Variants in TANGO2 observed in about 807,000 individuals in gnomAD.
TANGO2 encodes the protein transport and Golgi organization protein 2 homolog.
A neutral mutation model predicts 39.1 loss-of-function variants in TANGO2; 26 were observed. The observed-to-expected ratio is 0.67, with a 90% CI of 0.49 to 0.92. The LOEUF (loss-of-function observed/expected upper bound fraction) is 0.92, where lower values mean the gene tolerates loss of function less well. Among genes scored for constraint, TANGO2 ranks in the 40% least tolerant of loss-of-function variants. The probability of loss-of-function intolerance (pLI) is 0.00; values close to 1 mark genes in which losing one functional copy is unlikely to be tolerated. For synonymous variants in TANGO2, 131 were observed against 144.5 expected, an observed-to-expected ratio of 0.91 and a Z score of 0.67; for missense variants, 326 against 360.1, an observed-to-expected ratio of 0.91 and a Z score of 0.77.
chr22:20,026,684 G>A (rs547100958), intron 1 of TANGO2, among the ~76,000 whole-genome samples: 1 of 152,366 alleles, frequency 6.6e-6, no homozygotes, highest in South Asian at 2.1e-4. Context: ...CAAAGGCCTA[G>A]CAGTCAGTAC....
Position 20,061,476 on chromosome 22 carries a change from G to T in TANGO2, c.452-54G>T, listed in dbSNP as rs936323390. 2.1e-5 allele frequency: 32 copies of T among 1,533,646 alleles called. No individual in the cohort carries two copies. In the African/African-American group the frequency reaches 3.4e-4, roughly 16 times the overall value. ...TTAGGTGGGTGGCAGGTGGCAATTTGCCCTGACATGGCACAGCAGGGCCTC... is the reference window on the plus strand; with the variant it reads ...TTAGGTGGGTGGCAGGTGGCAATTTTCCCTGACATGGCACAGCAGGGCCTC... On this transcript the variant is annotated intron_variant, in intron 6 of 8. Coordinates refer to ENST00000327374, the MANE Select transcript of TANGO2 (RefSeq NM_152906.7).
At chr22:20,055,830 C>T (rs1602291670) in intron 5 of TANGO2, 113 bp from the exon 6 acceptor site, 8 of 932,682 alleles carry the variant, frequency 8.6e-6, no homozygotes, top group South Asian at 2.8e-5. Context: ...CTGGCCGCAG[C>T]GGGCTACTGC....
intron 5 of TANGO2, chr22:20,053,831 C>T (rs956790013): frequency 6.7e-5 from 32 of 477,144 alleles, no homozygotes; most frequent in Non-Finnish European, 1.1e-4. Context: ...TGGCTCTGGC[C>T]GGGTGTCCTC....
upstream of TANGO2, among the ~76,000 whole-genome samples, chr22:20,018,047 A>T (rs1399592968): frequency 6.6e-6 from 1 of 152,168 alleles, no homozygotes; most frequent in African/African-American, 2.4e-5. Flanking sequence ...ATCCACCCAT[A>T]TTGGGAGTCC....
chr22:20,020,901 C>G (rs2039533564), upstream of TANGO2, among the ~76,000 whole-genome samples: 1 of 152,140 alleles, frequency 6.6e-6, no homozygotes, highest in African/African-American at 2.4e-5. Flanking sequence ...AGGAAGCGCT[C>G]AGACGCCCGC....
At chr22:20,027,213 G>A (rs1255987002) in intron 1 of TANGO2, among the ~76,000 whole-genome samples, 1 of 152,186 alleles carries the variant, frequency 6.6e-6, no homozygotes, top group Non-Finnish European at 1.5e-5. Flanking sequence ...CACCGGGGGG[G>A]ATGGTGTTAA....
At chr22:20,049,129 A>G (rs954163225) in intron 3 of TANGO2, among the ~76,000 whole-genome samples, 23 of 152,236 alleles carry the variant, frequency 1.5e-4, no homozygotes, top group South Asian at 1.5e-3. Flanking sequence ...GGTTTTGTAC[A>G]TGGTGTGAGG....
intron 1 of TANGO2, 148 bp from the exon 2 acceptor site, chr22:20,036,612 C>T (rs909912349): frequency 1.4e-6 from 1 of 693,350 alleles, no homozygotes; most frequent in Non-Finnish European, 2.5e-6. Flanking sequence ...GTGGCACCGG[C>T]CAAGAGTGTG....
upstream of TANGO2, among the ~76,000 whole-genome samples, chr22:20,020,506 A>G (rs1302595607): frequency 7.1e-6 from 1 of 140,530 alleles, no homozygotes; most frequent in Admixed American, 7.0e-5. Flanking sequence ...CAAAGGCTAC[A>G]CTGGGGGGTG....
chr22:20,053,171 A>C (rs561027370), intron 4 of TANGO2, among the ~76,000 whole-genome samples: 3 of 151,880 alleles, frequency 2.0e-5, no homozygotes, highest in East Asian at 1.9e-4. Context: ...CCCCACTGAA[A>C]GGTGTTGTTT....
In TANGO2 at chr22:20,036,792, C is replaced by T; in HGVS notation, c.-7C>T. ...GACCTGTGTCAGCAGAGCCGCCCTG[C>T]ACCACCATGTGCATCATCTTCTTTA... On this transcript the variant is annotated 5_prime_UTR_variant, in exon 2 of 9. Transcript: ENST00000327374. 2.5e-6 allele frequency: 4 copies of T among 1,614,266 alleles called. No homozygotes were observed. The highest frequency in any genetic ancestry group is 2.2e-5 in the East Asian group (1 of 44,890).
intron 1 of TANGO2, among the ~76,000 whole-genome samples, chr22:20,024,011 G>A (rs1419718697): frequency 1.3e-5 from 2 of 152,012 alleles, no homozygotes; most frequent in African/African-American, 4.8e-5. Flanking sequence ...GTGAAACCCC[G>A]TCCCTACTAA....
At chr22:20,056,458 T>C in intron 6 of TANGO2, 1 of 459,528 alleles carries the variant, frequency 2.2e-6, no homozygotes, top group Non-Finnish European at 4.4e-6. Context: ...CAGTCCCCAG[T>C]CTGATCCCCG....
chr22:20,041,587 C>T (rs755057878), intron 2 of TANGO2, among the ~76,000 whole-genome samples: 1 of 152,148 alleles, frequency 6.6e-6, no homozygotes, highest in Non-Finnish European at 1.5e-5. Context: ...GCTGGGATTA[C>T]AGGCGTGAGC....
At chr22:20,048,527 G>A (rs982878944) in intron 3 of TANGO2, among the ~76,000 whole-genome samples, 1 of 151,952 alleles carries the variant, frequency 6.6e-6, no homozygotes. Flanking sequence ...TTGTTGCTTG[G>A]GCAATTTGGA....
upstream of TANGO2, among the ~76,000 whole-genome samples, chr22:20,018,233 A>G (rs1945343574): frequency 6.6e-6 from 1 of 152,228 alleles, no homozygotes; most frequent in African/African-American, 2.4e-5. Context: ...CTGGCACTTG[A>G]CGTGCCAATT....
intron 7 of TANGO2, 22 bp downstream of exon 7, chr22:20,061,705 G>C: frequency 1.3e-6 from 2 of 1,531,074 alleles, no homozygotes; most frequent in Non-Finnish European, 1.8e-6. Context: ...GGTCCTGCTG[G>C]GGTGAGCCCC....
chr22:20,056,972 C>A (rs748659040), intron 6 of TANGO2: 42 of 456,112 alleles, frequency 9.2e-5, no homozygotes, highest in Non-Finnish European at 1.6e-4. Context: ...GCCACCCACA[C>A]CCCTCTGTGA....
Position 20,064,617 on chromosome 22 carries a change from C to T in TANGO2, c.786C>T (p.Leu262=), listed in dbSNP as rs1021357886. Residue 262 remains leucine (L), a synonymous_variant, in exon 9 of 9, where the codon CTC becomes CTT. Coordinates refer to ENST00000327374, the MANE Select transcript of TANGO2 (RefSeq NM_152906.7). ...FTERSMMDKD[L]SHWETRTYEF... is the part of the protein sequence containing the mutation. ...AGCGTAGCATGATGGACAAGGACCT[C>T]TCCCACTGGGAGACCAGAACCTATG... The T allele has an allele frequency of 1.2e-6, 2 of 1,614,090 alleles. No individual in the cohort carries two copies. Among genetic ancestry groups the T allele is most frequent in the African/African-American group, 2.7e-5 (2 of 74,944 alleles).
Sources: gnomAD v4.1 joint callset for allele counts (sites outside exome capture counted in the v4.1 genomes callset) on GRCh38, gnomAD v4.1.1 for gene constraint, MANE v1.5 for transcripts, NCBI Gene and HGNC (gene_info 2026-07-23, HGNC 2026-07-21) for gene names.